PLOD1: variants seen among roughly 807,000 people sequenced by gnomAD.
PLOD1 encodes procollagen-lysine,2-oxoglutarate 5-dioxygenase 1.
PLOD1 carries 70 observed loss-of-function variants against 94.7 expected under a neutral mutation model. The observed-to-expected ratio is 0.74, with a 90% confidence interval of 0.61 to 0.90. The LOEUF (loss-of-function observed/expected upper bound fraction) is 0.90, where lower values mean the gene tolerates loss of function less well. Ranked by LOEUF, PLOD1 falls within the 40% of genes least tolerant of loss-of-function variation. The pLI is 0.00. For missense variants in PLOD1, 905 were observed against 972.7 expected, an observed-to-expected ratio of 0.93 and a Z score of 0.93; for synonymous variants, 417 against 400.2, an observed-to-expected ratio of 1.04 and a Z score of -0.50.
At chr1:11,950,312 T>G (rs1234543585) in intron 3 of PLOD1, 45 bp from the exon 4 acceptor site, 1 of 1,603,006 alleles carries the variant, frequency 6.2e-7, no homozygotes, top group South Asian at 1.1e-5. Context: ...ACTGGGCCCC[T>G]GCTCACCCTT....
intron 16 of PLOD1, 67 bp from the exon 17 acceptor site, chr1:11,970,603 G>C: frequency 6.8e-7 from 1 of 1,465,006 alleles, no homozygotes; most frequent in Non-Finnish European, 9.5e-7. Flanking sequence ...GTGTAGGAGA[G>C]GGGAGTAGAC....
chr1:11,974,256 G>A (rs769608569), intron 18 of PLOD1, among the ~76,000 whole-genome samples: 4 of 151,654 alleles, frequency 2.6e-5, no homozygotes, highest in South Asian at 2.1e-4. Context: ...GTACAGTGGC[G>A]CGATCTCGGC....
At chr1:11,964,327 T>TGGGGGGGGGGGGGGTGGGG in intron 12 of PLOD1, 27 bp downstream of exon 12, 1 of 546,368 alleles carries the variant, frequency 1.8e-6, no homozygotes, top group African/African-American at 2.3e-5. Context: ...TGGGGGTGGG[T>TGGGGGGGGGGGGGGTGGGG]GGGGGACACC....
chr1:11,961,317 C>T (rs760039403), intron 10 of PLOD1, among the ~76,000 whole-genome samples: 9 of 152,084 alleles, frequency 5.9e-5, no homozygotes, highest in Non-Finnish European at 1.2e-4. Context: ...CCCGGGAAGT[C>T]GAGGTTGCAT....
intron 10 of PLOD1, among the ~76,000 whole-genome samples, chr1:11,961,241 CA>C (rs889183801): frequency 6.6e-6 from 1 of 151,506 alleles, no homozygotes; most frequent in Admixed American, 6.6e-5. Context: ...AAAAAATAGC[CA>C]AGTGTGGTGG....
chr1:11,943,879 C>T (rs749799177), intron 1 of PLOD1, among the ~76,000 whole-genome samples: 9 of 152,150 alleles, frequency 5.9e-5, no homozygotes, highest in African/African-American at 1.2e-4. Context: ...GCACATTACT[C>T]GCCAGCTGTA....
chr1:11,962,276 T>TTC (rs1360351715), intron 10 of PLOD1, among the ~76,000 whole-genome samples: 2 of 128,838 alleles, frequency 1.6e-5, no homozygotes. Flanking sequence ...TTTGTTTTCT[T>TTC]TTTTTTTTTT....
intron 13 of PLOD1, among the ~76,000 whole-genome samples, chr1:11,965,221 C>T (rs920137712): frequency 2.6e-5 from 4 of 151,594 alleles, no homozygotes; most frequent in African/African-American, 7.3e-5. Context: ...GACCAGAACA[C>T]GCTCCTTTTC....
At chr1:11,943,484 A>C (rs765176215) in intron 1 of PLOD1, among the ~76,000 whole-genome samples, 2 of 151,984 alleles carry the variant, frequency 1.3e-5, no homozygotes, top group Non-Finnish European at 2.9e-5. Context: ...CTTAGTAGAG[A>C]CAGGGTTTCA....
intron 13 of PLOD1, 110 bp downstream of exon 13, chr1:11,964,895 G>A (rs1335576262): frequency 3.3e-6 from 4 of 1,206,428 alleles, no homozygotes; most frequent in Non-Finnish European, 4.8e-6. Flanking sequence ...AGGCCTGGGA[G>A]CTCCAGAGAT....
At chr1:11,969,969 C>T (rs1645849260) in intron 16 of PLOD1, among the ~76,000 whole-genome samples, 1 of 151,484 alleles carries the variant, frequency 6.6e-6, no homozygotes, top group Admixed American at 6.6e-5. Context: ...TGGCTGGGTG[C>T]ATGGCTCACG....
Position 11,958,510 on chromosome 1 carries a change from G to C in PLOD1, c.844-6G>C. On this transcript the variant is annotated splice_polypyrimidine_tract_variant and splice_region_variant and intron_variant, in intron 8 of 18. Transcript: ENST00000196061. This position sits in a 1 kb window ranked among gnomAD's most constrained non-coding sequence, Gnocchi z 4.3. ...CTGGACTCTTGTGCCGCCCTCCCTGGTGCAGGATGAAGCTCTGCCCACGGT... is the reference window on the plus strand; with the variant it reads ...CTGGACTCTTGTGCCGCCCTCCCTGCTGCAGGATGAAGCTCTGCCCACGGT... 6.2e-7 allele frequency: 1 copy of C among 1,613,456 alleles called. No homozygotes were observed. The highest frequency in any genetic ancestry group is 1.1e-5 in the South Asian group (1 of 90,966).
rs2273290 is a variant in PLOD1 at position 11,958,321 on chromosome 1, C to T, written c.844-195C>T. Reference sequence around the variant, plus strand: ...GTTCCAGGCCTGGGCTCCTGCTGCTCTCTCCCCGGGGCACCCTCCTGCTGC... The same window carrying T: ...GTTCCAGGCCTGGGCTCCTGCTGCTTTCTCCCCGGGGCACCCTCCTGCTGC... On this transcript the variant is annotated intron_variant, in intron 8 of 18. Transcript: ENST00000196061. The surrounding 1 kb of genome is among the most constrained non-coding windows in gnomAD (Gnocchi z 4.3). 2.0e-5 allele frequency among the ~76,000 whole-genome samples: 3 copies of T among 151,888 alleles called. No individual in the cohort carries two copies. The highest frequency in any genetic ancestry group is 7.3e-5 in the African/African-American group (3 of 41,346).
At chr1:11,974,198 TG>T (rs1645886065) in intron 18 of PLOD1, among the ~76,000 whole-genome samples, 1 of 150,530 alleles carries the variant, frequency 6.6e-6, no homozygotes, top group South Asian at 2.1e-4. Flanking sequence ...ACTTACTCTT[TG>T]GGTTTTTTTT....
chr1:11,940,949 G>T (rs1368239662), intron 1 of PLOD1, among the ~76,000 whole-genome samples: 1 of 152,226 alleles, frequency 6.6e-6, no homozygotes, highest in Non-Finnish European at 1.5e-5. Context: ...CAGGAGTCTG[G>T]CATCTTAGGA....
Position 11,946,916 on chromosome 1 carries a change from G to T in PLOD1, c.77-1060G>T, listed in dbSNP as rs145521379. On this transcript the variant is annotated intron_variant, in intron 1 of 18. Transcript: ENST00000196061. ...CTCAGGAAGCTTTGACTCATGGCAG[G>T]CATGTCACATGGTGAGAGCTGGAGC... Among the ~76,000 whole-genome samples, 1,485 of 152,290 alleles carry T rather than the reference G, an allele frequency of 9.8e-3. 24 individuals are homozygous for T. The highest frequency in any genetic ancestry group is 0.034 in the African/African-American group (1,414 of 41,566).
In PLOD1 at chr1:11,966,251, G is replaced by T. The variant is rs779655041; in HGVS notation, c.1585G>T (p.Asp529Tyr). The change falls in exon 15 of 19, where the codon GAC becomes TAC. Residue 529 changes from aspartate (D) to tyrosine (Y), a missense_variant and splice_region_variant. Coordinates refer to ENST00000196061, the MANE Select transcript of PLOD1 (RefSeq NM_000302.4). ...CTAGCCTGCTTCCCACTTCCCACAGGACTGGAAGGAGAAGTACATCCACCA... is the reference window on the plus strand; with the variant it reads ...CTAGCCTGCTTCCCACTTCCCACAGTACTGGAAGGAGAAGTACATCCACCA... ...DLWEVFSNPE[D>Y]WKEKYIHQNY... 2 of 1,604,540 alleles carry T rather than the reference G, an allele frequency of 1.2e-6. No homozygotes were observed. Among genetic ancestry groups the T allele is most frequent in the Non-Finnish European group, 1.7e-6 (2 of 1,175,248 alleles).
intron 17 of PLOD1, chr1:11,971,909 T>C (rs1453936772): frequency 1.3e-5 from 2 of 152,270 alleles, no homozygotes; most frequent in African/African-American, 4.8e-5. Context: ...GAATGCTTAC[T>C]GTGGTTCCCC....
intron 6 of PLOD1, 65 bp downstream of exon 6, chr1:11,954,958 C>A: frequency 7.7e-7 from 1 of 1,295,168 alleles, no homozygotes; most frequent in Non-Finnish European, 1.1e-6. Flanking sequence ...CCAGGCAGGG[C>A]CCGAGCCCAG....
Sources: allele counts gnomAD v4.1 joint callset (sites outside exome capture counted in the v4.1 genomes callset), GRCh38; gene constraint gnomAD v4.1.1; non-coding constraint Gnocchi (gnomAD v3.1); transcripts MANE v1.5; gene names NCBI Gene and HGNC (gene_info 2026-07-23, HGNC 2026-07-21).